The following USO1 variants were observed in gnomAD, a reference collection of about 807,000 sequenced individuals.
The protein encoded by USO1 is general vesicular transport factor p115.
USO1 carries 57 observed loss-of-function variants against 124.5 expected under a neutral mutation model. That is an observed-to-expected ratio of 0.46 (90% CI 0.37 to 0.57). USO1 has a LOEUF of 0.57. Among genes scored for constraint, USO1 ranks in the 20% least tolerant of loss-of-function variants. The pLI is 0.00. For missense variants in USO1, 900 were observed against 1,040.6 expected (o/e 0.86, Z 1.86); for synonymous variants, 369 against 362.8 (o/e 1.02, Z -0.19).
chr4:75,788,138 C>T (rs1722414437), intron 10 of USO1, among the ~76,000 whole-genome samples: 1 of 149,806 alleles, frequency 6.7e-6, no homozygotes, highest in Non-Finnish European at 1.5e-5. Context: ...CCTTGATTAT[C>T]TGGATCCTAT....
intron 9 of USO1, among the ~76,000 whole-genome samples, chr4:75,785,964 T>A (rs1347763718): frequency 1.3e-5 from 2 of 152,146 alleles, no homozygotes. Flanking sequence ...CCTGACCTTC[T>A]CTTTAGTGAC....
chr4:75,762,145 A>G (rs1721624403), intron 4 of USO1, among the ~76,000 whole-genome samples: 1 of 150,644 alleles, frequency 6.6e-6, no homozygotes, highest in Non-Finnish European at 1.5e-5. Context: ...ATCACTGAGT[A>G]AGTAGAAGAA....
intron 1 of USO1, among the ~76,000 whole-genome samples, chr4:75,740,033 T>C (rs1720913788): frequency 6.6e-6 from 1 of 152,114 alleles, no homozygotes; most frequent in South Asian, 2.1e-4. Flanking sequence ...CAAGGATGTA[T>C]ATTAAATAAG....
At chr4:75,787,901 T>A (rs1444370981) in intron 10 of USO1, among the ~76,000 whole-genome samples, 1 of 152,016 alleles carries the variant, frequency 6.6e-6, no homozygotes, top group Non-Finnish European at 1.5e-5. Flanking sequence ...ATTTTTCTCA[T>A]CCATGAGTTG....
chr4:75,789,131 G>T (rs1360445656), intron 10 of USO1, among the ~76,000 whole-genome samples: 1 of 151,832 alleles, frequency 6.6e-6, no homozygotes, highest in Admixed American at 6.6e-5. Flanking sequence ...ATTTACTGAT[G>T]ATGTGCTGAA....
At chr4:75,777,988 A>G (rs1312665642) in intron 8 of USO1, among the ~76,000 whole-genome samples, 1 of 152,212 alleles carries the variant, frequency 6.6e-6, no homozygotes, top group Admixed American at 6.5e-5. Context: ...ATACAATGGG[A>G]TGTTATTTAG....
intron 8 of USO1, among the ~76,000 whole-genome samples, chr4:75,777,306 A>T (rs1722098384): frequency 6.6e-6 from 1 of 152,180 alleles, no homozygotes; most frequent in South Asian, 2.1e-4. Context: ...TAGATGCAAT[A>T]CCAAAAGTGT....
At chr4:75,811,378 A>G (rs1447830720) in intron 22 of USO1, among the ~76,000 whole-genome samples, 2 of 151,132 alleles carry the variant, frequency 1.3e-5, no homozygotes, top group African/African-American at 4.9e-5. Flanking sequence ...CTGGTCTCAA[A>G]CTCCTGACCT....
Position 75,799,688 on chromosome 4 carries a change from A to T in USO1, c.1519A>T (p.Ile507Phe), listed in dbSNP as rs1722786682. 6.2e-7 allele frequency: 1 copy of T among 1,613,832 alleles called. No homozygotes were observed. The highest frequency in any genetic ancestry group is 1.1e-5 in the South Asian group (1 of 91,082). The change falls in exon 14 of 24, where the codon ATT becomes TTT. Residue 507 changes from isoleucine to phenylalanine, a missense_variant. Physicochemically the swap from Ile to Phe is conservative, Grantham distance 21. Coordinates refer to ENST00000514213, the MANE Select transcript of USO1 (RefSeq NM_003715.4). ...TTGTACCTGGCTAAGCAATTGTCCC[A>T]TTGCAGTAACGCATTTTCTTCACAA... ...LLCTWLSNCP[I>F]AVTHFLHNSA...
intron 17 of USO1, among the ~76,000 whole-genome samples, chr4:75,803,602 T>TCG (rs1722914521): frequency 6.6e-6 from 1 of 150,982 alleles, no homozygotes; most frequent in Non-Finnish European, 1.5e-5. Context: ...GTGAGCTGGA[T>TCG]TGCACCACTG....
intron 4 of USO1, among the ~76,000 whole-genome samples, chr4:75,758,373 AT>A (rs1183556300): frequency 1.3e-5 from 2 of 152,228 alleles, no homozygotes; most frequent in African/African-American, 4.8e-5. Flanking sequence ...TATAAATCTA[AT>A]TTAGACTGAA....
chr4:75,741,071 T>C (rs1383792120), intron 1 of USO1, among the ~76,000 whole-genome samples: 2 of 152,204 alleles, frequency 1.3e-5, no homozygotes, highest in African/African-American at 4.8e-5. Flanking sequence ...TAGAGTGTAC[T>C]TAAAGCAAAC....
chr4:75,796,800 ACTTTTC>A (rs1251940158), intron 13 of USO1, among the ~76,000 whole-genome samples: 1 of 151,190 alleles, frequency 6.6e-6, no homozygotes, highest in Non-Finnish European at 1.5e-5. Flanking sequence ...AGAGGTGTGT[ACTTTTC>A]CTTTTATTTA....
chr4:75,792,655 C>G (rs1355192294), intron 12 of USO1, among the ~76,000 whole-genome samples: 1 of 152,086 alleles, frequency 6.6e-6, no homozygotes, highest in Admixed American at 6.5e-5. Context: ...TGAAATTGCA[C>G]CACTGCACTC....
At chr4:75,792,020 TTC>T (rs931598862) in intron 12 of USO1, among the ~76,000 whole-genome samples, 2 of 144,578 alleles carry the variant, frequency 1.4e-5, no homozygotes, top group African/African-American at 2.5e-5. Flanking sequence ...TCTGAAATGC[TTC>T]TTTTTTTTTT....
At chr4:75,796,884 T>TTTTTTTCTGGTATGTCA (rs1722699523) in intron 13 of USO1, among the ~76,000 whole-genome samples, 1 of 151,374 alleles carries the variant, frequency 6.6e-6, no homozygotes, top group Non-Finnish European at 1.5e-5. Flanking sequence ...GATTTTTTTT[T>TTTTTTTCTGGTATGTCA]TTTTTTCTGG....
chr4:75,746,666 A>G (rs957082847), intron 1 of USO1, among the ~76,000 whole-genome samples: 2 of 152,208 alleles, frequency 1.3e-5, no homozygotes, highest in African/African-American at 4.8e-5. Flanking sequence ...GCTTTCTTAT[A>G]GAGAGATCAC....
chr4:75,747,875 A>G (rs1281492946), intron 1 of USO1, among the ~76,000 whole-genome samples: 3 of 141,564 alleles, frequency 2.1e-5, no homozygotes, highest in Non-Finnish European at 3.0e-5. Flanking sequence ...TCGGCCTCCC[A>G]GAGTGCTGAG....
chr4:75,765,871 G>C (rs1157738214), intron 4 of USO1, among the ~76,000 whole-genome samples: 1 of 152,136 alleles, frequency 6.6e-6, no homozygotes, highest in Non-Finnish European at 1.5e-5. Flanking sequence ...TCAGGCCTTT[G>C]TAGCATCAAT....
Sources: gnomAD v4.1 joint callset for allele counts (sites outside exome capture counted in the v4.1 genomes callset) on GRCh38, gnomAD v4.1.1 for gene constraint, MANE v1.5 for transcripts, NCBI Gene and HGNC (gene_info 2026-07-23, HGNC 2026-07-21) for gene names.